Variants in ASPSCR1 observed in about 807,000 individuals in gnomAD.
ASPSCR1 encodes the protein ASPSCR1 tether for SLC2A4, UBX domain containing.
Under a neutral mutation model 68.9 loss-of-function variants are expected in ASPSCR1, and 55 were observed. The observed-to-expected ratio is 0.80, with a 90% CI of 0.64 to 1.00. The LOEUF is 1.00. Ranked by LOEUF, ASPSCR1 falls within the 50% of genes least tolerant of loss-of-function variation. The probability of loss-of-function intolerance (pLI) is 0.00; values close to 1 mark genes in which losing one functional copy is unlikely to be tolerated. For synonymous variants in ASPSCR1, 352 were observed against 332.6 expected, an observed-to-expected ratio of 1.06 and a Z score of -0.63; for missense variants, 765 against 762.2, an observed-to-expected ratio of 1.00 and a Z score of -0.04.
At chr17:82,015,244 G>T (rs761580508) in intron 12 of ASPSCR1, 1 of 1,598,276 alleles carries the variant, frequency 6.3e-7, no homozygotes, top group Non-Finnish European at 8.5e-7. Context: ...CCAAGCACTG[G>T]TCAGCCTCCA....
At chr17:81,996,911 G>A in intron 7 of ASPSCR1, 65 bp downstream of exon 7, 3 of 1,517,386 alleles carry the variant, frequency 2.0e-6, no homozygotes, top group East Asian at 2.3e-5. Context: ...GCCCTGCGTG[G>A]CTTTAGCTGG....
At chr17:81,993,891 G>T (rs1337936618) in intron 4 of ASPSCR1, among the ~76,000 whole-genome samples, 1 of 152,276 alleles carries the variant, frequency 6.6e-6, no homozygotes, top group African/African-American at 2.4e-5. Context: ...GCCGGCCCTG[G>T]CCTCCCCTTT....
intron 7 of ASPSCR1, among the ~76,000 whole-genome samples, chr17:82,004,167 C>G (rs927795303): frequency 6.6e-6 from 1 of 152,240 alleles, no homozygotes; most frequent in Non-Finnish European, 1.5e-5. Flanking sequence ...CCCTGGCGCC[C>G]TCACCCTGCA....
chr17:82,012,053 C>G (rs971949725), intron 11 of ASPSCR1, 178 bp from the exon 12 acceptor site: 3 of 797,288 alleles, frequency 3.8e-6, no homozygotes, highest in Non-Finnish European at 6.3e-6. Flanking sequence ...CCCCACCGGC[C>G]CTTCCGAGCC....
At position 81,993,913 on chromosome 17, in the gene ASPSCR1, G is replaced by A. The variant is rs538055655; in HGVS notation, c.375-908G>A. Reference sequence around the variant, plus strand: ...CTGGCCTCCCCTTTGCCTAGGCTCTGGCCATCTGCCCCCTCCTCTCGGATT... The same window carrying A: ...CTGGCCTCCCCTTTGCCTAGGCTCTAGCCATCTGCCCCCTCCTCTCGGATT... On this transcript the variant is annotated intron_variant, in intron 4 of 15. Transcript: ENST00000306739. 2.6e-5 allele frequency among the ~76,000 whole-genome samples: 4 copies of A among 152,338 alleles called. No individual in the cohort carries two copies. The East Asian group carries it at 7.7e-4, about 29-fold the overall frequency.
chr17:82,010,873 G>T lies in ASPSCR1; in HGVS notation c.1237+5G>T. ...TCTTCCGCCCCAGCGAGACAGGTGG[G>T]CAGCGCTGTGGGGTGTCCGGGGATG... is the stretch of plus-strand genomic sequence containing the variant. On this transcript the variant is annotated splice_donor_5th_base_variant and intron_variant, in intron 10 of 15. Coordinates refer to ENST00000306739, the MANE Select transcript of ASPSCR1 (RefSeq NM_024083.4). 6.2e-7 allele frequency: 1 copy of T among 1,611,634 alleles called. No individual in the cohort carries two copies.
At chr17:81,985,163 C>A (rs529913341) in intron 3 of ASPSCR1, among the ~76,000 whole-genome samples, 1 of 151,210 alleles carries the variant, frequency 6.6e-6, no homozygotes, top group Admixed American at 6.6e-5. Flanking sequence ...CATGCGCACA[C>A]CTGCACACAC....
intron 3 of ASPSCR1, among the ~76,000 whole-genome samples, chr17:81,985,047 CCCA>C (rs202046657): frequency 0.015 from 2,142 of 141,810 alleles, 74 homozygotes; most frequent in African/African-American, 0.054. Flanking sequence ...ACACCTCCCC[CCCA>C]CACACACCCA....
At chr17:81,996,144 C>T (rs920291022) in intron 6 of ASPSCR1, 79 bp downstream of exon 6, 142 of 1,450,372 alleles carry the variant, frequency 9.8e-5, no homozygotes, top group Non-Finnish European at 1.2e-4. Context: ...AGAAAGGACA[C>T]GTGGCAAGTG....
intron 2 of ASPSCR1, 90 bp downstream of exon 2, chr17:81,979,329 G>A: frequency 2.0e-6 from 3 of 1,469,582 alleles, no homozygotes; most frequent in Non-Finnish European, 2.8e-6. Context: ...AAAGCCCCCA[G>A]GTGGTTTTAA....
rs1403035265 is a variant in ASPSCR1, at chr17:81,987,225, C to T, written c.374+1618C>T. Among the ~76,000 whole-genome samples the T allele has an allele frequency of 2.0e-5, 3 of 151,976 alleles. No homozygotes were observed. Among genetic ancestry groups the T allele is most frequent in the South Asian group, 2.1e-4 (1 of 4,804 alleles). ...GGAGCCTGAGAGCAAAGCGAAGCCA[C>T]GGGCAGGGGTGAGCGGGACCCGAGC... On this transcript the variant is annotated intron_variant, in intron 4 of 15. Coordinates refer to ENST00000306739, the MANE Select transcript of ASPSCR1 (RefSeq NM_024083.4). This position sits in a 1 kb window ranked among gnomAD's most constrained non-coding sequence, Gnocchi z 5.6.
intron 7 of ASPSCR1, among the ~76,000 whole-genome samples, chr17:82,002,550 C>T (rs2042572779): frequency 6.6e-6 from 1 of 151,166 alleles, no homozygotes. Context: ...CCTCTGTGCC[C>T]AGCCTATTTT....
intron 4 of ASPSCR1, among the ~76,000 whole-genome samples, chr17:81,994,322 A>G (rs1302479113): frequency 1.3e-5 from 2 of 152,144 alleles, no homozygotes; most frequent in Non-Finnish European, 2.9e-5. Context: ...CCCTCCCTCC[A>G]TGCTTCGGTG....
At chr17:82,016,648 C>A in intron 13 of ASPSCR1, 121 bp downstream of exon 13, 1 of 1,451,864 alleles carries the variant, frequency 6.9e-7, no homozygotes, top group Non-Finnish European at 9.4e-7. Flanking sequence ...GGGAGATCTG[C>A]GGCCCCCAGT....
intron 12 of ASPSCR1, chr17:82,014,890 CTG>C (rs2043069511): frequency 2.7e-6 from 2 of 742,190 alleles, no homozygotes; most frequent in East Asian, 2.7e-5. Context: ...GGCCCTCAGG[CTG>C]TGTCAGGGCA....
At chr17:82,016,307 G>A in intron 12 of ASPSCR1, 169 bp from the exon 13 acceptor site, 1 of 635,632 alleles carries the variant, frequency 1.6e-6, no homozygotes, top group Non-Finnish European at 2.7e-6. Flanking sequence ...TTGCTTACAG[G>A]GGTAGGGCTG....
At chr17:81,998,093 C>T (rs1427885355) in intron 7 of ASPSCR1, among the ~76,000 whole-genome samples, 5 of 152,096 alleles carry the variant, frequency 3.3e-5, no homozygotes, top group East Asian at 1.9e-4. Flanking sequence ...TCCCAAAGTG[C>T]TGGGATTACA....
intron 7 of ASPSCR1, chr17:82,004,375 A>C (rs971682420): frequency 1.3e-5 from 2 of 152,088 alleles, no homozygotes; most frequent in African/African-American, 4.8e-5. Context: ...GGTTAGCATC[A>C]TTGTGGTCCG....
intron 7 of ASPSCR1, among the ~76,000 whole-genome samples, chr17:82,002,178 T>C (rs1418892297): frequency 1.3e-5 from 2 of 151,724 alleles, no homozygotes; most frequent in East Asian, 3.9e-4. Flanking sequence ...AAAGTATTTT[T>C]CTTTTTAAAA....
Sources: allele counts gnomAD v4.1 joint callset (sites outside exome capture counted in the v4.1 genomes callset), GRCh38; gene constraint gnomAD v4.1.1; non-coding constraint Gnocchi (gnomAD v3.1); transcripts MANE v1.5; gene names NCBI Gene and HGNC (gene_info 2026-07-23, HGNC 2026-07-21).